Variants in VWF observed in about 807,000 individuals in gnomAD.
The protein encoded by VWF is von Willebrand factor.
In VWF, 176 loss-of-function variants were observed where a neutral mutation model predicts 308.6. The observed-to-expected ratio is 0.57, with a 90% CI of 0.50 to 0.65. The LOEUF is 0.65. Ranked by LOEUF, VWF falls within the 30% of genes least tolerant of loss-of-function variation. The probability of loss-of-function intolerance (pLI) is 0.00; values close to 1 mark genes in which losing one functional copy is unlikely to be tolerated. For synonymous variants in VWF, 1,385 were observed against 1,443.4 expected, an observed-to-expected ratio of 0.96 and a Z score of 0.92; for missense variants, 3,146 against 3,648.2, an observed-to-expected ratio of 0.86 and a Z score of 3.55.
At chr12:6,116,119 T>A (rs1322073143) in intron 3 of VWF, among the ~76,000 whole-genome samples, 1 of 152,026 alleles carries the variant, frequency 6.6e-6, no homozygotes, top group African/African-American at 2.4e-5. Flanking sequence ...CCATTAGAAA[T>A]CGCCGGTGAG....
intron 5 of VWF, among the ~76,000 whole-genome samples, chr12:6,101,477 A>G (rs1945160603): frequency 2.0e-5 from 3 of 152,002 alleles, no homozygotes; most frequent in Non-Finnish European, 4.4e-5. Flanking sequence ...TAAAAAAGGG[A>G]TGAAATAAAA....
In VWF at chr12:5,949,024, G is replaced by C; in HGVS notation, c.8433C>G (p.Cys2811Trp). The C allele has an allele frequency of 6.2e-7, 1 of 1,613,134 alleles. No individual in the cohort carries two copies. The highest frequency in any genetic ancestry group is 8.5e-7 in the Non-Finnish European group (1 of 1,179,640). ...TGCAGCTGCAGCAGCCTCACTTGCTGCACTTCCTGGGGGAGCATTTGCACT... is the reference window on the plus strand; with the variant it reads ...TGCAGCTGCAGCAGCCTCACTTGCTCCACTTCCTGGGGGAGCATTTGCACT... ...AMECKCSPRKCSK is the reference protein window; with the variant it reads ...AMECKCSPRKWSK Residue 2811 changes from cysteine (C) to tryptophan (W), a missense_variant, in exon 52 of 52, where the codon TGC becomes TGG. Physicochemically the swap from Cys to Trp is radical, Grantham distance 215 (BLOSUM62 -2). Coordinates refer to ENST00000261405, the MANE Select transcript of VWF (RefSeq NM_000552.5).
intron 5 of VWF, among the ~76,000 whole-genome samples, chr12:6,105,199 G>T (rs2136514436): frequency 6.6e-6 from 1 of 152,236 alleles, no homozygotes; most frequent in African/African-American, 2.4e-5. Flanking sequence ...ATCTGTGCAT[G>T]TAACAAAATT....
rs539367870 is a variant in VWF, at chr12:6,022,681, C to G, written c.3538+59G>C. 740 of 328,600 alleles carry G rather than the reference C, an allele frequency of 2.3e-3. 8 individuals are homozygous for G. Among genetic ancestry groups the G allele is most frequent in the African/African-American group, 0.018 (580 of 32,156 alleles). The allele number at this position is 328,600 out of a possible 1,614,324, so 20.4% of individuals were successfully genotyped here. A position where few individuals can be genotyped will look rare whatever the true frequency, so the allele number is the denominator to read the frequency against. ...TGAGATGAAGCAAGACCTAGAAGCA[C>G]CTTTCCATCCATCCCTATCCCATCC... On this transcript the variant is annotated intron_variant, in intron 26 of 51. Transcript: ENST00000261405.
chr12:5,993,712 A>T, intron 37 of VWF, 150 bp downstream of exon 37: 1 of 657,054 alleles, frequency 1.5e-6, no homozygotes, highest in East Asian at 2.8e-5. Flanking sequence ...TATATCTTCC[A>T]TCTTATTTGA....
intron 40 of VWF, among the ~76,000 whole-genome samples, chr12:5,983,465 A>G (rs1035548521): frequency 8.1e-4 from 19 of 23,448 alleles, no homozygotes; most frequent in African/African-American, 1.7e-3. Flanking sequence ...GATAGATTTG[A>G]TAGATAGATA....
intron 6 of VWF, among the ~76,000 whole-genome samples, chr12:6,087,427 C>T (rs547416459): frequency 3.5e-5 from 5 of 143,404 alleles, no homozygotes; most frequent in East Asian, 2.2e-4. Context: ...GGTGCGATCT[C>T]GGCTCACTGC....
intron 18 of VWF, among the ~76,000 whole-genome samples, chr12:6,041,456 T>C (rs1042644632): frequency 6.8e-6 from 1 of 146,566 alleles, no homozygotes; most frequent in Non-Finnish European, 1.5e-5. Context: ...AAAAAAGAAA[T>C]TTTTTTTTTT....
intron 3 of VWF, among the ~76,000 whole-genome samples, chr12:6,113,631 G>A (rs1472387837): frequency 6.6e-6 from 1 of 152,184 alleles, no homozygotes; most frequent in African/African-American, 2.4e-5. Context: ...GTATTTACCA[G>A]TAATGGTAGA....
At chr12:6,104,712 A>G (rs1474193089) in intron 5 of VWF, among the ~76,000 whole-genome samples, 1 of 151,990 alleles carries the variant, frequency 6.6e-6, no homozygotes, top group African/African-American at 2.4e-5. Flanking sequence ...AAAAAAAAAT[A>G]TATAGGACTA....
At chr12:6,064,492 C>T in intron 11 of VWF, 108 bp from the exon 12 acceptor site, 1 of 1,494,574 alleles carries the variant, frequency 6.7e-7, no homozygotes, top group Non-Finnish European at 9.1e-7. Flanking sequence ...AGCCTCTGGC[C>T]TTCTCATAAC....
intron 25 of VWF, 79 bp downstream of exon 25, chr12:6,023,552 C>G: frequency 1.9e-6 from 3 of 1,577,026 alleles, no homozygotes; most frequent in Non-Finnish European, 2.6e-6. Context: ...AGATATCCCC[C>G]TGCACTCACA....
chr12:5,976,895 C>T lies in VWF; in HGVS notation c.7288-635G>A, dbSNP rs531752817. ...TGGGATGCACGCCACAGACAATGCT[C>T]GGACATCCTTTTGTTGGAATGAGGA... On this transcript the variant is annotated intron_variant, in intron 42 of 51. Coordinates refer to ENST00000261405, the MANE Select transcript of VWF (RefSeq NM_000552.5). Among the ~76,000 whole-genome samples, 13 of 152,260 alleles carry T rather than the reference C, an allele frequency of 8.5e-5. No homozygotes were observed. In the East Asian group the frequency reaches 2.1e-3, roughly 25 times the overall value.
Position 5,994,446 on chromosome 12 carries a change from C to CTTGG in VWF, c.6221_6224dup (p.Lys2075AsnfsTer16). ...GACCATACGTCTTTGAAGCAAAAGTCTTGGGGCTGAGCTGCAGTTGGAACT... is the reference window on the plus strand; with the variant it reads ...GACCATACGTCTTTGAAGCAAAAGTCTTGGTTGGGGCTGAGCTGCAGTTGGAACT... On this transcript the variant is annotated frameshift_variant, in exon 36 of 52. Coordinates refer to ENST00000261405, the MANE Select transcript of VWF (RefSeq NM_000552.5). LOFTEE classifies it high-confidence loss of function. The CTTGG allele has an allele frequency of 6.2e-7, 1 of 1,614,124 alleles. No individual in the cohort carries two copies. The highest frequency in any genetic ancestry group is 8.5e-7 in the Non-Finnish European group (1 of 1,180,014).
At chr12:5,956,577 A>G (rs1004792043) in intron 47 of VWF, among the ~76,000 whole-genome samples, 15 of 152,044 alleles carry the variant, frequency 9.9e-5, no homozygotes, top group African/African-American at 3.6e-4. Context: ...CAGGAGTTTA[A>G]GCTGCAATGA....
At chr12:6,061,300 C>G (rs1056079352) in intron 13 of VWF, among the ~76,000 whole-genome samples, 2 of 152,034 alleles carry the variant, frequency 1.3e-5, no homozygotes, top group African/African-American at 2.4e-5. Context: ...ACCAGGAGAC[C>G]CGAGTTCTGG....
At chr12:6,082,857 C>A (rs1944929248) in intron 6 of VWF, among the ~76,000 whole-genome samples, 1 of 152,190 alleles carries the variant, frequency 6.6e-6, no homozygotes, top group South Asian at 2.1e-4. Flanking sequence ...TGATGGGGTG[C>A]AAACCCTGAG....
chr12:6,029,818 T>A (rs1489519542), intron 21 of VWF, among the ~76,000 whole-genome samples: 3 of 152,254 alleles, frequency 2.0e-5, no homozygotes, highest in Non-Finnish European at 4.4e-5. Flanking sequence ...TATAGTGGTC[T>A]CCTAGATAGG....
Position 6,058,069 on chromosome 12 carries a change from G to C in VWF, c.1534-25C>G. ...GCTGCAGGAGAGACCAGGCCACTCT[G>C]GAGCCGCTGCCGCGAAAGCAGCGGC... On this transcript the variant is annotated intron_variant, in intron 13 of 51. Coordinates refer to ENST00000261405, the MANE Select transcript of VWF (RefSeq NM_000552.5). The surrounding 1 kb of genome is among the most constrained non-coding windows in gnomAD (Gnocchi z 4.9). The C allele has an allele frequency of 6.2e-7, 1 of 1,612,686 alleles. No homozygotes were observed. Among genetic ancestry groups the C allele is most frequent in the Non-Finnish European group, 8.5e-7 (1 of 1,179,938 alleles).
Sources: gnomAD v4.1 joint callset for allele counts (sites outside exome capture counted in the v4.1 genomes callset) on GRCh38, gnomAD v4.1.1 for gene constraint, Gnocchi (gnomAD v3.1) non-coding constraint, MANE v1.5 for transcripts, NCBI Gene and HGNC (gene_info 2026-07-23, HGNC 2026-07-21) for gene names.